The following CAMK2G variants were observed in gnomAD, a reference collection of about 807,000 sequenced individuals.
The protein encoded by CAMK2G is calcium/calmodulin dependent protein kinase II gamma, also known as calcium/calmodulin-dependent protein kinase type II subunit gamma.
A neutral mutation model predicts 88.7 loss-of-function variants in CAMK2G; 23 were observed. The ratio of observed to expected loss-of-function variants is 0.26; its 90% confidence interval spans 0.19 to 0.37. CAMK2G has a LOEUF of 0.37. Among genes scored for constraint, CAMK2G ranks in the 10% least tolerant of loss-of-function variants. CAMK2G has a pLI of 1.00. For synonymous variants in CAMK2G, 263 were observed against 294.8 expected, an observed-to-expected ratio of 0.89 and a Z score of 1.11; for missense variants, 476 against 780.8, an observed-to-expected ratio of 0.61 and a Z score of 4.65.
intron 14 of CAMK2G, among the ~76,000 whole-genome samples, chr10:73,829,267 T>C (rs1199856017): frequency 5.0e-5 from 2 of 39,760 alleles, no homozygotes. Flanking sequence ...ACATTGGCCT[T>C]TTATTTATTT....
At chr10:73,849,763 A>C (rs1355285360) in intron 5 of CAMK2G, among the ~76,000 whole-genome samples, 2 of 152,212 alleles carry the variant, frequency 1.3e-5, no homozygotes, top group South Asian at 2.1e-4. Context: ...CAACTAAACA[A>C]CCTAAGCTAC....
At chr10:73,852,564 G>A (rs1366105286) in intron 4 of CAMK2G, 1 of 525,944 alleles carries the variant, frequency 1.9e-6, no homozygotes, top group Non-Finnish European at 3.4e-6. Flanking sequence ...TTCACTAATA[G>A]TCAGGCAGAG....
In CAMK2G at chr10:73,867,590, G is replaced by A. The variant is rs141550995; in HGVS notation, c.160+5399C>T. On this transcript the variant is annotated intron_variant, in intron 2 of 22. Coordinates refer to ENST00000423381, the MANE Select transcript of CAMK2G (RefSeq NM_001367534.1). ...AAGAGGGGAGCAGATGGGAAGCTGC[G>A]GCTGCTGCTGATAGGGCCCAGGAAG... Among the ~76,000 whole-genome samples, 668 of 152,264 alleles carry A rather than the reference G, an allele frequency of 4.4e-3. 3 individuals carry two copies. The highest frequency in any genetic ancestry group is 0.01 in the Middle Eastern group (3 of 294).
chr10:73,857,989 GCA>G (rs1458666270), intron 3 of CAMK2G, among the ~76,000 whole-genome samples: 2 of 152,200 alleles, frequency 1.3e-5, no homozygotes, highest in South Asian at 2.1e-4. Context: ...TCCCCCACAT[GCA>G]CAGTCTCCTC....
chr10:73,857,978 G>A (rs1054222228), intron 3 of CAMK2G, among the ~76,000 whole-genome samples: 3 of 152,194 alleles, frequency 2.0e-5, no homozygotes, highest in African/African-American at 4.8e-5. Context: ...AATACCCCAC[G>A]TCCCCCACAT....
Position 73,839,468 on chromosome 10 carries a change from G to C in CAMK2G, c.1009+71C>G. 1.1e-6 allele frequency: 1 copy of C among 886,732 alleles called. No individual in the cohort carries two copies. Among genetic ancestry groups the C allele is most frequent in the Non-Finnish European group, 1.5e-6 (1 of 672,068 alleles). 54.9% of individuals were successfully genotyped at this position (886,732 alleles called of 1,614,324 possible). ...ACTCGCCTCCCTGGTGAGTGGGCCC[G>C]GCATGCTGGCCCTCCTGGTGGGGTG... On this transcript the variant is annotated intron_variant, in intron 13 of 22. Coordinates refer to ENST00000423381, the MANE Select transcript of CAMK2G (RefSeq NM_001367534.1). The surrounding 1 kb of genome is among the most constrained non-coding windows in gnomAD (Gnocchi z 4.2).
At chr10:73,873,549 T>C in intron 1 of CAMK2G, 1 of 995,384 alleles carries the variant, frequency 1.0e-6, no homozygotes, top group Non-Finnish European at 1.2e-6. Context: ...CCCTCAACCA[T>C]GGGGCAAAGT....
intron 3 of CAMK2G, among the ~76,000 whole-genome samples, chr10:73,857,067 TC>T (rs1565451791): frequency 1.3e-5 from 2 of 151,958 alleles, no homozygotes; most frequent in South Asian, 4.2e-4. Context: ...GTGGCAGGGC[TC>T]CCCCCACCCC....
intron 14 of CAMK2G, among the ~76,000 whole-genome samples, chr10:73,836,530 C>G (rs1241059566): frequency 6.6e-6 from 1 of 152,188 alleles, no homozygotes; most frequent in Non-Finnish European, 1.5e-5. Context: ...CCCAGGCTCC[C>G]CTGCGAGGGG....
Position 73,842,137 on chromosome 10 carries a change from C to G in CAMK2G, c.946+32G>C. 6.3e-7 allele frequency: 1 copy of G among 1,587,918 alleles called. No individual in the cohort carries two copies. The highest frequency in any genetic ancestry group is 8.7e-7 in the Non-Finnish European group (1 of 1,156,038). On this transcript the variant is annotated intron_variant, in intron 12 of 22. Transcript: ENST00000423381. The surrounding 1 kb of genome is among the most constrained non-coding windows in gnomAD (Gnocchi z 4.6). ...CCCATTCCTGATCCACTCACCTCGG[C>G]ATAATCAAAGTACACAGCTGGGAAA...
intron 3 of CAMK2G, 44 bp downstream of exon 3, chr10:73,860,786 C>G (rs370286952): frequency 1.4e-5 from 20 of 1,439,090 alleles, no homozygotes; most frequent in Non-Finnish European, 1.9e-5. Context: ...GTTATCCCTG[C>G]TTCTACAAAA....
rs770122492 is a variant in CAMK2G, at chr10:73,842,170, T to C, written c.945A>G (p.Ser315=). 5 of 1,611,628 alleles carry C rather than the reference T, an allele frequency of 3.1e-6. No homozygotes were observed. The highest frequency in any genetic ancestry group is 3.4e-6 in the Non-Finnish European group (4 of 1,177,860). Residue 315 remains serine, a splice_region_variant and synonymous_variant, in exon 12 of 23, where the codon TCA becomes TCG. Transcript: ENST00000423381. This position sits in a 1 kb window ranked among gnomAD's most constrained non-coding sequence, Gnocchi z 4.6. The part of the protein sequence containing the change: ...LTTMLVSRNF[S]VGRQSSAPAS... ...AAGTACACAGCTGGGAAAACATACC[T>C]GAGAAGTTCCTGGAGACAAGCATGG...
chr10:73,853,397 C>T, intron 3 of CAMK2G, 151 bp from the exon 4 acceptor site: 1 of 673,884 alleles, frequency 1.5e-6, no homozygotes, highest in Non-Finnish European at 2.6e-6. Context: ...GTGCCCAGTG[C>T]CCCCCAGTGC....
intron 19 of CAMK2G, chr10:73,818,511 G>A: frequency 2.8e-6 from 1 of 362,716 alleles, no homozygotes; most frequent in Non-Finnish European, 5.5e-6. Flanking sequence ...TTTCCTCACA[G>A]GAGCAAAAGG....
At position 73,860,820 on chromosome 10, in the gene CAMK2G, A is replaced by G; in HGVS notation, c.220+10T>C. 6.2e-7 allele frequency: 1 copy of G among 1,605,232 alleles called. No individual in the cohort carries two copies. Among genetic ancestry groups the G allele is most frequent in the Non-Finnish European group, 8.5e-7 (1 of 1,171,952 alleles). The stretch of plus-strand genomic sequence containing the variant: ...AATACCCACAAAATGCTCCATGCCC[A>G]GGCACTCACCGATGTTTGGATGTTT... On this transcript the variant is annotated intron_variant, in intron 3 of 22. Coordinates refer to ENST00000423381, the MANE Select transcript of CAMK2G (RefSeq NM_001367534.1).
chr10:73,873,175 CCAG>C, intron 1 of CAMK2G, 92 bp from the exon 2 acceptor site: 1 of 1,020,312 alleles, frequency 9.8e-7, no homozygotes, highest in Non-Finnish European at 1.5e-6. Context: ...GCTCCCACCA[CCAG>C]ACCTCTAGTC....
intron 14 of CAMK2G, among the ~76,000 whole-genome samples, chr10:73,832,965 CTCTT>C (rs1385075133): frequency 6.8e-5 from 7 of 102,272 alleles, no homozygotes; most frequent in East Asian, 6.6e-4. Flanking sequence ...TTTCTTCTCT[CTCTT>C]TTTTTTTTTT....
intron 6 of CAMK2G, 54 bp downstream of exon 6, chr10:73,849,207 C>T (rs902570930): frequency 6.4e-7 from 1 of 1,572,626 alleles, no homozygotes; most frequent in Non-Finnish European, 8.8e-7. Context: ...TATCTGGCAC[C>T]AGGTGGCGCC....
intron 4 of CAMK2G, chr10:73,852,623 C>G: frequency 2.5e-6 from 1 of 401,448 alleles, no homozygotes; most frequent in Non-Finnish European, 4.5e-6. Flanking sequence ...CCCCAAAAGT[C>G]ACAGCTTTGA....
Sources: allele counts gnomAD v4.1 joint callset (sites outside exome capture counted in the v4.1 genomes callset), GRCh38; gene constraint gnomAD v4.1.1; non-coding constraint Gnocchi (gnomAD v3.1); transcripts MANE v1.5; gene names NCBI Gene and HGNC (gene_info 2026-07-23, HGNC 2026-07-21).